The following DNAAF11 variants were observed in gnomAD, a reference collection of about 807,000 sequenced individuals.
DNAAF11 encodes dynein axonemal assembly factor 11, also known as leucine rich repeat containing 6.
DNAAF11 carries 45 observed loss-of-function variants against 60.8 expected under a neutral mutation model. That is an observed-to-expected ratio of 0.74 (90% CI 0.58 to 0.95). The LOEUF is 0.95. Among genes scored for constraint, DNAAF11 ranks in the 40% least tolerant of loss-of-function variants. DNAAF11 has a pLI of 0.00. For missense variants in DNAAF11, 546 were observed against 546.2 expected (o/e 1.00, Z 0.00); for synonymous variants, 191 against 183.5 (o/e 1.04, Z -0.33).
At chr8:132,664,383 C>T (rs1824422900) in intron 1 of DNAAF11, among the ~76,000 whole-genome samples, 1 of 152,178 alleles carries the variant, frequency 6.6e-6, no homozygotes, top group South Asian at 2.1e-4. Flanking sequence ...CTAAATTGCC[C>T]ACTCTTAAAG....
chr8:132,606,765 A>G (rs565964062), intron 10 of DNAAF11, among the ~76,000 whole-genome samples: 1 of 152,326 alleles, frequency 6.6e-6, no homozygotes, highest in South Asian at 2.1e-4. Context: ...CAACCTTCCA[A>G]AGCGCTGAGA....
the DNAAF11 span, among the ~76,000 whole-genome samples, chr8:132,684,325 T>C: frequency 6.6e-6 from 1 of 152,200 alleles, no homozygotes; most frequent in African/African-American, 2.4e-5. Context: ...GAGTCCACAT[T>C]ACTCTCCTAG....
chr8:132,644,478 G>C (rs1021723269), intron 3 of DNAAF11, among the ~76,000 whole-genome samples: 2 of 152,110 alleles, frequency 1.3e-5, no homozygotes, highest in Non-Finnish European at 2.9e-5. Flanking sequence ...TCATCTCACT[G>C]GGGCTTGTTG....
intron 6 of DNAAF11, among the ~76,000 whole-genome samples, chr8:132,624,601 C>T (rs1396782400): frequency 6.6e-6 from 1 of 152,082 alleles, no homozygotes; most frequent in Non-Finnish European, 1.5e-5. Flanking sequence ...TGAGTCATTG[C>T]CATGTAGATT....
the DNAAF11 span, among the ~76,000 whole-genome samples, chr8:132,684,429 A>G: frequency 6.6e-6 from 1 of 152,192 alleles, no homozygotes; most frequent in African/African-American, 2.4e-5. Context: ...TTCATCACAT[A>G]GGTATAATTG....
intron 7 of DNAAF11, among the ~76,000 whole-genome samples, chr8:132,619,819 A>G (rs1819578348): frequency 6.6e-6 from 1 of 152,186 alleles, no homozygotes; most frequent in South Asian, 2.1e-4. Flanking sequence ...ATAACTGAGC[A>G]ACTAAGTCCT....
intron 10 of DNAAF11, among the ~76,000 whole-genome samples, chr8:132,595,407 T>C (rs1816908844): frequency 9.7e-6 from 1 of 103,174 alleles, no homozygotes; most frequent in African/African-American, 3.7e-5. Context: ...AGGAGAAAAG[T>C]GGAAGAAGGT....
chr8:132,697,069 C>A, the DNAAF11 span, among the ~76,000 whole-genome samples: 2 of 152,130 alleles, frequency 1.3e-5, no homozygotes, highest in Admixed American at 6.5e-5. Flanking sequence ...GTTAAAAACA[C>A]AAAGACCGCA....
At chr8:132,689,377 G>T in the DNAAF11 span, among the ~76,000 whole-genome samples, 1 of 152,034 alleles carries the variant, frequency 6.6e-6, no homozygotes, top group Admixed American at 6.6e-5. Context: ...ATCATCTGGG[G>T]TTTTGCTTTC....
chr8:132,679,873 A>G (rs1825840385), upstream of DNAAF11, among the ~76,000 whole-genome samples: 1 of 152,018 alleles, frequency 6.6e-6, no homozygotes. Flanking sequence ...GTCCAGTTAA[A>G]CCTCTTTCTT....
chr8:132,661,482 T>C lies in DNAAF11; in HGVS notation c.156A>G (p.Gln52=), dbSNP rs1824125061. The C allele has an allele frequency of 6.2e-7, 1 of 1,612,792 alleles. No individual in the cohort carries two copies. The highest frequency in any genetic ancestry group is 1.7e-5 in the Admixed American group (1 of 59,940). ...WCRDLKILYL[Q]NNLIGKIENV... ...TACCAATTTTCCCAATAAGATTATT[T>C]TGAAGATAGAGAATTTTTAAATCCC... Residue 52 remains glutamine (Q), a synonymous_variant, in exon 2 of 12, where the codon CAA becomes CAG. Coordinates refer to ENST00000620350, the MANE Select transcript of DNAAF11 (RefSeq NM_012472.6).
At chr8:132,625,919 C>T (rs1360797425) in intron 5 of DNAAF11, among the ~76,000 whole-genome samples, 1 of 152,128 alleles carries the variant, frequency 6.6e-6, no homozygotes, top group Non-Finnish European at 1.5e-5. Context: ...TAATCTTGTA[C>T]CTGTCAATTA....
the DNAAF11 span, among the ~76,000 whole-genome samples, chr8:132,700,210 A>T: frequency 6.6e-6 from 1 of 152,180 alleles, no homozygotes; most frequent in Non-Finnish European, 1.5e-5. Context: ...TGTTCTGACT[A>T]ACTTAAAAGG....
intron 10 of DNAAF11, among the ~76,000 whole-genome samples, chr8:132,603,758 T>C (rs1485513387): frequency 6.6e-6 from 1 of 152,150 alleles, no homozygotes; most frequent in African/African-American, 2.4e-5. Flanking sequence ...GTTCTGTCTT[T>C]GTTTTTTAAG....
At chr8:132,670,511 A>C (rs1025520345) in intron 1 of DNAAF11, among the ~76,000 whole-genome samples, 12 of 152,184 alleles carry the variant, frequency 7.9e-5, no homozygotes, top group African/African-American at 2.9e-4. Context: ...TATGGCACAG[A>C]TGTCTCCTTT....
intron 8 of DNAAF11, among the ~76,000 whole-genome samples, chr8:132,614,206 A>T (rs1036382316): frequency 3.9e-5 from 6 of 152,212 alleles, no homozygotes; most frequent in African/African-American, 1.4e-4. Context: ...GGTGGGGCAG[A>T]GAGGCCCCTC....
chr8:132,579,003 A>G (rs1367462897), intron 11 of DNAAF11, among the ~76,000 whole-genome samples: 2 of 152,228 alleles, frequency 1.3e-5, no homozygotes, highest in Non-Finnish European at 2.9e-5. Flanking sequence ...CACCTCCACA[A>G]GGCACTTCGA....
rs531440136 is a variant in DNAAF11 at position 132,613,923 on chromosome 8, A to G, written c.974+1115T>C. 1.5e-4 allele frequency among the ~76,000 whole-genome samples: 23 copies of G among 152,362 alleles called. No individual in the cohort carries two copies. In the South Asian group the frequency reaches 4.8e-3, roughly 32 times the overall value. On this transcript the variant is annotated intron_variant, in intron 8 of 11. Coordinates refer to ENST00000620350, the MANE Select transcript of DNAAF11 (RefSeq NM_012472.6). ...AATTCATGCATGTAAACATTCATCC[A>G]TTCATTCATGCATGTCAATGTCATA...
At chr8:132,648,379 T>C (rs1264866513) in intron 3 of DNAAF11, among the ~76,000 whole-genome samples, 1 of 152,144 alleles carries the variant, frequency 6.6e-6, no homozygotes, top group African/African-American at 2.4e-5. Flanking sequence ...AAGAGCTATT[T>C]ATGACACACG....
Sources: gnomAD v4.1 joint callset for allele counts (sites outside exome capture counted in the v4.1 genomes callset) on GRCh38, gnomAD v4.1.1 for gene constraint, MANE v1.5 for transcripts, NCBI Gene and HGNC (gene_info 2026-07-23, HGNC 2026-07-21) for gene names.